The following CPQ variants were observed in gnomAD, a reference collection of about 807,000 sequenced individuals.
The protein encoded by CPQ is Ser-Met dipeptidase.
In CPQ, 37 loss-of-function variants were observed where a neutral mutation model predicts 45.7. The observed-to-expected ratio is 0.81, with a 90% CI of 0.62 to 1.07. CPQ has a LOEUF of 1.07. CPQ is among the 50% of genes least tolerant of loss of function. CPQ has a pLI of 0.00. For missense variants in CPQ, 537 were observed against 572.9 expected, an observed-to-expected ratio of 0.94 and a Z score of 0.64; for synonymous variants, 186 against 205.8, an observed-to-expected ratio of 0.90 and a Z score of 0.82.
At chr8:96,920,946 C>G (rs1405175518) in intron 4 of CPQ, among the ~76,000 whole-genome samples, 1 of 152,198 alleles carries the variant, frequency 6.6e-6, no homozygotes, top group Non-Finnish European at 1.5e-5. Flanking sequence ...GCTAAGCAAA[C>G]TAATGTGGTT....
intron 1 of CPQ, among the ~76,000 whole-genome samples, chr8:96,653,758 A>T (rs190024304): frequency 6.6e-6 from 1 of 152,274 alleles, no homozygotes; most frequent in Admixed American, 6.5e-5. Context: ...CACTCTTGTC[A>T]TCTTTATGTT....
intron 4 of CPQ, among the ~76,000 whole-genome samples, chr8:96,905,760 CAAAAAAAAAAAAA>C (rs747470074): frequency 3.1e-5 from 2 of 64,856 alleles, no homozygotes; most frequent in African/African-American, 5.5e-5. Flanking sequence ...CTGTCTTAAC[CAAAAAAAAAAAAA>C]AAAAAAAAAA....
chr8:96,921,282 T>G (rs1397533436), intron 4 of CPQ, among the ~76,000 whole-genome samples: 2 of 152,198 alleles, frequency 1.3e-5, no homozygotes, highest in African/African-American at 4.8e-5. Context: ...TTTGTGCAAC[T>G]GACAGGTTAC....
rs574358678 is a variant in CPQ at position 96,933,958 on chromosome 8, T to G, written c.850-31977T>G. Among the ~76,000 whole-genome samples the G allele has an allele frequency of 7.1e-4, 108 of 152,304 alleles. No homozygotes were observed. The South Asian group carries it at 0.021, about 29-fold the overall frequency. On this transcript the variant is annotated intron_variant, in intron 4 of 7. Coordinates refer to ENST00000220763, the MANE Select transcript of CPQ (RefSeq NM_016134.4). Reference sequence around the variant, plus strand: ...TAGTGCTACGTACCGCTACCACAACTGTAATGATTGCAGAAAATGTTCACA... The same window carrying G: ...TAGTGCTACGTACCGCTACCACAACGGTAATGATTGCAGAAAATGTTCACA...
chr8:97,037,408 G>T (rs1206598454), intron 6 of CPQ, among the ~76,000 whole-genome samples: 1 of 152,140 alleles, frequency 6.6e-6, no homozygotes, highest in Non-Finnish European at 1.5e-5. Context: ...ATTGTGTCCG[G>T]ACTATGTCTC....
chr8:96,937,161 A>G (rs1405298347), intron 4 of CPQ, among the ~76,000 whole-genome samples: 1 of 152,126 alleles, frequency 6.6e-6, no homozygotes, highest in Non-Finnish European at 1.5e-5. Flanking sequence ...GGCAATTTCA[A>G]TATAGTATAA....
At chr8:96,941,014 A>G (rs1813118103) in intron 4 of CPQ, among the ~76,000 whole-genome samples, 1 of 152,186 alleles carries the variant, frequency 6.6e-6, no homozygotes, top group Admixed American at 6.5e-5. Flanking sequence ...CATATAAGTA[A>G]GAGCTTGTAA....
At chr8:96,736,352 G>A (rs1185374949) in intron 1 of CPQ, among the ~76,000 whole-genome samples, 1 of 152,086 alleles carries the variant, frequency 6.6e-6, no homozygotes, top group Non-Finnish European at 1.5e-5. Context: ...GGCTGAAGAT[G>A]GCATGCTTTG....
intron 1 of CPQ, among the ~76,000 whole-genome samples, chr8:96,654,777 A>G (rs1026550079): frequency 2.6e-5 from 4 of 152,226 alleles, no homozygotes; most frequent in African/African-American, 9.6e-5. Flanking sequence ...GCTGATGTTT[A>G]TCTTTTTCCA....
chr8:96,694,443 A>G (rs931492446), intron 1 of CPQ, among the ~76,000 whole-genome samples: 1 of 152,218 alleles, frequency 6.6e-6, no homozygotes, highest in African/African-American at 2.4e-5. Flanking sequence ...AAATTTACAG[A>G]ACATTTTATC....
intron 4 of CPQ, among the ~76,000 whole-genome samples, chr8:96,947,457 T>TTTGATTCCAATTTGTGA (rs1813206493): frequency 6.6e-6 from 1 of 152,160 alleles, no homozygotes; most frequent in African/African-American, 2.4e-5. Flanking sequence ...TTGTTTTGAT[T>TTTGATTCCAATTTGTGA]ACTGTAGCTT....
At chr8:96,668,186 G>A (rs1808953066) in intron 1 of CPQ, among the ~76,000 whole-genome samples, 1 of 152,160 alleles carries the variant, frequency 6.6e-6, no homozygotes, top group Non-Finnish European at 1.5e-5. Context: ...TGAGTTCTAG[G>A]ACATATGGGT....
intron 4 of CPQ, among the ~76,000 whole-genome samples, chr8:96,923,885 G>A (rs1278038334): frequency 1.3e-5 from 2 of 152,226 alleles, no homozygotes; most frequent in Non-Finnish European, 2.9e-5. Context: ...TAGTCCTGCT[G>A]GGAATTTTTT....
intron 1 of CPQ, among the ~76,000 whole-genome samples, chr8:96,755,728 T>C (rs182118468): frequency 6.6e-6 from 1 of 152,096 alleles, no homozygotes; most frequent in East Asian, 1.9e-4. Context: ...TTTATTTCCT[T>C]CTCAAATCGA....
At chr8:97,090,788 C>T (rs1392558080) in intron 7 of CPQ, among the ~76,000 whole-genome samples, 2 of 152,156 alleles carry the variant, frequency 1.3e-5, no homozygotes, top group Non-Finnish European at 2.9e-5. Context: ...AGTTCTCAAG[C>T]GGTTCTTTGG....
At chr8:96,960,981 G>C (rs1389349701) in intron 4 of CPQ, among the ~76,000 whole-genome samples, 1 of 152,080 alleles carries the variant, frequency 6.6e-6, no homozygotes, top group Non-Finnish European at 1.5e-5. Context: ...TGTGTTTTCA[G>C]TTTGAGAACT....
intron 1 of CPQ, among the ~76,000 whole-genome samples, chr8:96,686,586 G>C (rs966354562): frequency 6.6e-6 from 1 of 151,648 alleles, no homozygotes; most frequent in African/African-American, 2.4e-5. Flanking sequence ...TGTGATCCTG[G>C]ATTCTATTTG....
rs560537555 is a variant in CPQ at position 96,725,014 on chromosome 8, A to C, written c.-34-59850A>C. ...TTCCTATTCGATAAGTGGTGCTGAG[A>C]TAACTGGTTAGCCATATGCAGAGAA... On this transcript the variant is annotated intron_variant, in intron 1 of 7. Transcript: ENST00000220763. Among the ~76,000 whole-genome samples the C allele has an allele frequency of 3.9e-5, 6 of 152,322 alleles. No individual in the cohort carries two copies. In the East Asian group the frequency reaches 1.2e-3, roughly 29 times the overall value.
intron 7 of CPQ, among the ~76,000 whole-genome samples, chr8:97,121,701 A>G (rs1421940565): frequency 1.3e-5 from 2 of 152,146 alleles, no homozygotes; most frequent in African/African-American, 2.4e-5. Flanking sequence ...AGACCTAGAA[A>G]TGATAGTGAT....
Sources: gnomAD v4.1 joint callset for allele counts (sites outside exome capture counted in the v4.1 genomes callset) on GRCh38, gnomAD v4.1.1 for gene constraint, MANE v1.5 for transcripts, NCBI Gene and HGNC (gene_info 2026-07-23, HGNC 2026-07-21) for gene names.